The following DCC variants were observed in gnomAD, a reference collection of about 807,000 sequenced individuals.
DCC encodes netrin receptor DCC.
A neutral mutation model predicts 172.5 loss-of-function variants in DCC; 58 were observed. The observed-to-expected ratio is 0.34, with a 90% CI of 0.27 to 0.42. The LOEUF is 0.42. DCC is among the 10% of genes least tolerant of loss of function. DCC has a pLI of 1.00. For synonymous variants in DCC, 709 were observed against 644.5 expected, an observed-to-expected ratio of 1.10 and a Z score of -1.52; for missense variants, 1,740 against 1,791.0, an observed-to-expected ratio of 0.97 and a Z score of 0.51.
At chr18:52,635,214 AACACC>A in intron 1 of DCC, among the ~76,000 whole-genome samples, 1 of 152,188 alleles carries the variant, frequency 6.6e-6, no homozygotes, top group Admixed American at 6.5e-5. Context: ...TGATTCAGAT[AACACC>A]TCTCTCCAAG....
In DCC at chr18:52,515,606, C is replaced by CA. The variant is rs58112743; in HGVS notation, c.91+174748dup. On this transcript the variant is annotated intron_variant, in intron 1 of 28. Transcript: ENST00000442544. ...TGGGCGACAGAGCGAAACCCTGTCT[C>CA]AAAAAAAAAAAAAAAAAAAATCATA... Among the ~76,000 whole-genome samples, 55 of 10,334 alleles carry CA rather than the reference C, an allele frequency of 5.3e-3. 8 individuals are homozygous for CA. Among genetic ancestry groups the CA allele is most frequent in the African/African-American group, 8.9e-3 (41 of 4,598 alleles). The allele number at this position is 10,334 out of a possible 152,430, so 6.8% of individuals were successfully genotyped here. A position where few individuals can be genotyped will look rare whatever the true frequency, so the allele number is the denominator to read the frequency against.
At chr18:52,803,866 T>C (rs2038038507) in intron 2 of DCC, among the ~76,000 whole-genome samples, 1 of 152,232 alleles carries the variant, frequency 6.6e-6, no homozygotes, top group South Asian at 2.1e-4. Context: ...CAGCATTTTA[T>C]TTAATCATCA....
intron 2 of DCC, among the ~76,000 whole-genome samples, chr18:52,836,793 T>C (rs571611648): frequency 6.6e-6 from 1 of 152,328 alleles, no homozygotes; most frequent in Admixed American, 6.5e-5. Context: ...CCTCTTCTCA[T>C]GGTTCCACTA....
At chr18:53,067,373 T>C (rs1246925527) in intron 7 of DCC, among the ~76,000 whole-genome samples, 1 of 151,590 alleles carries the variant, frequency 6.6e-6, no homozygotes, top group Non-Finnish European at 1.5e-5. Context: ...ATAAAAAAAA[T>C]ATATATTTAA....
At chr18:52,910,724 C>T (rs115923879) in intron 3 of DCC, among the ~76,000 whole-genome samples, 1 of 152,112 alleles carries the variant, frequency 6.6e-6, no homozygotes, top group South Asian at 2.1e-4. Context: ...CAATGGAATT[C>T]TTTAGTTTGC....
intron 12 of DCC, among the ~76,000 whole-genome samples, chr18:53,256,907 C>T (rs2056524837): frequency 2.0e-5 from 3 of 152,282 alleles, no homozygotes; most frequent in African/African-American, 4.8e-5. Flanking sequence ...TTTTGTAGTT[C>T]TCCTTGAAGA....
chr18:52,995,379 C>T (rs113678481), intron 5 of DCC, among the ~76,000 whole-genome samples: 1 of 152,232 alleles, frequency 6.6e-6, no homozygotes, highest in African/African-American at 2.4e-5. Context: ...CTAGCAGCCC[C>T]ATAATCTTGA....
At chr18:52,681,865 CTTTTACAG>C (rs1234770837) in intron 1 of DCC, among the ~76,000 whole-genome samples, 1 of 150,388 alleles carries the variant, frequency 6.6e-6, no homozygotes, top group Non-Finnish European at 1.5e-5. Context: ...TGAAGATTGA[CTTTTACAG>C]TTTCTAAATA....
intron 2 of DCC, among the ~76,000 whole-genome samples, chr18:52,863,807 C>A (rs1013538562): frequency 5.3e-5 from 8 of 151,902 alleles, no homozygotes; most frequent in Admixed American, 4.6e-4. Flanking sequence ...TTCTATTAAT[C>A]ATTTTTGTAT....
chr18:52,516,731 A>G (rs1568208631), intron 1 of DCC, among the ~76,000 whole-genome samples: 1 of 152,210 alleles, frequency 6.6e-6, no homozygotes, highest in Non-Finnish European at 1.5e-5. Flanking sequence ...CATAGTTCAA[A>G]TAGTCTTCTT....
At chr18:52,645,515 A>T (rs2035002077) in intron 1 of DCC, among the ~76,000 whole-genome samples, 2 of 152,194 alleles carry the variant, frequency 1.3e-5, no homozygotes, top group African/African-American at 4.8e-5. Context: ...AAAACAGCAA[A>T]GATACAAACA....
At chr18:52,983,223 A>G (rs2041238432) in intron 5 of DCC, among the ~76,000 whole-genome samples, 1 of 152,174 alleles carries the variant, frequency 6.6e-6, no homozygotes, top group Non-Finnish European at 1.5e-5. Context: ...CAGAGTTAAG[A>G]CTTGAAAGCA....
At chr18:52,980,781 G>A (rs1251691122) in intron 5 of DCC, among the ~76,000 whole-genome samples, 2 of 152,036 alleles carry the variant, frequency 1.3e-5, no homozygotes, top group African/African-American at 2.4e-5. Flanking sequence ...GTTGGTTGGT[G>A]AAGAAAATTA....
intron 2 of DCC, among the ~76,000 whole-genome samples, chr18:52,785,271 G>T (rs1273896687): frequency 6.6e-6 from 1 of 152,052 alleles, no homozygotes; most frequent in Non-Finnish European, 1.5e-5. Flanking sequence ...CCTAGTTACT[G>T]CTGGCATTCA....
intron 1 of DCC, among the ~76,000 whole-genome samples, chr18:52,650,046 T>A (rs1205752985): frequency 1.4e-5 from 2 of 147,418 alleles, no homozygotes; most frequent in African/African-American, 5.0e-5. Flanking sequence ...TGGCACGATC[T>A]CGGCTCACCG....
chr18:53,213,194 T>G (rs1012086406), intron 11 of DCC, among the ~76,000 whole-genome samples: 13 of 152,350 alleles, frequency 8.5e-5, no homozygotes, highest in Non-Finnish European at 1.5e-4. Flanking sequence ...TTACCTTCTC[T>G]TTCTTCCAAA....
At chr18:52,834,971 T>C (rs1568133767) in intron 2 of DCC, among the ~76,000 whole-genome samples, 1 of 152,232 alleles carries the variant, frequency 6.6e-6, no homozygotes, top group East Asian at 1.9e-4. Flanking sequence ...TACTGCTCGA[T>C]ATTAAACTAT....
At chr18:52,469,030 GATTTATTTATTT>G (rs3086373) in intron 1 of DCC, among the ~76,000 whole-genome samples, 10,435 of 145,716 alleles carry the variant, frequency 0.072, 476 homozygotes, top group East Asian at 0.1. Flanking sequence ...AAACAATTTT[GATTTATTTATTT>G]ATTTATTTAT....
chr18:52,541,875 G>GTATATA (rs765428849), intron 1 of DCC, among the ~76,000 whole-genome samples: 1,675 of 115,096 alleles, frequency 0.015, 52 homozygotes, highest in South Asian at 0.025. Context: ...GTGTGTGTGT[G>GTATATA]TATATATATA....
Sources: allele counts gnomAD v4.1 joint callset (sites outside exome capture counted in the v4.1 genomes callset), GRCh38; gene constraint gnomAD v4.1.1; transcripts MANE v1.5; gene names NCBI Gene and HGNC (gene_info 2026-07-23, HGNC 2026-07-21).